MFF: variants seen among roughly 807,000 people sequenced by gnomAD.
MFF encodes mitochondrial fission factor, also known as chromosome 2 open reading frame 33.
Under a neutral mutation model 36.9 loss-of-function variants are expected in MFF, and 12 were observed. The ratio of observed to expected loss-of-function variants is 0.33; its 90% CI spans 0.21 to 0.53. The LOEUF is 0.53. Ranked by LOEUF, MFF falls within the 20% of genes least tolerant of loss-of-function variation. The pLI, the probability that MFF is intolerant of heterozygous loss-of-function variation, is 0.95. For missense variants in MFF, 348 were observed against 366.6 expected (o/e 0.95, Z 0.42); for synonymous variants, 99 against 126.2 (o/e 0.78, Z 1.44).
At chr2:227,352,623 G>C in intron 7 of MFF, 50 bp downstream of exon 7, 1 of 1,417,544 alleles carries the variant, frequency 7.1e-7, no homozygotes, top group African/African-American at 1.7e-5. Flanking sequence ...GGCGGAATTT[G>C]TGTGTTGCAG....
rs1381114795 is a variant in MFF at position 227,325,308 on chromosome 2, GC to G, written c.-270del. The G allele has an allele frequency of 6.4e-6, 1 of 156,800 alleles. No individual in the cohort carries two copies. Among genetic ancestry groups the G allele is most frequent in the African/African-American group, 2.4e-5 (1 of 41,770 alleles). The allele number at this position is 156,800 out of a possible 1,614,324, so 9.7% of individuals were successfully genotyped here. A position where few individuals can be genotyped will look rare whatever the true frequency, so the allele number is the denominator to read the frequency against. ...GCCCTGGCCCTCTGCGGGCCGCTCC[GC>G]CGGTGCTGTCCCTGGGCGCCTCCGT... On this transcript the variant is annotated 5_prime_UTR_variant, in exon 1 of 9. Transcript: ENST00000304593.
At chr2:227,356,844 A>G (rs1189322595) in intron 8 of MFF, 142 bp from the exon 9 acceptor site, 4 of 669,044 alleles carry the variant, frequency 6.0e-6, no homozygotes, top group Non-Finnish European at 1.0e-5. Context: ...AGTTGTGTTT[A>G]TTTTGCTCCA....
Position 227,357,636 on chromosome 2 carries a change from T to C in MFF, c.*519T>C, listed in dbSNP as rs577356826. The C allele has an allele frequency of 2.6e-5, 4 of 154,130 alleles. No individual in the cohort carries two copies. Among genetic ancestry groups the C allele is most frequent in the African/African-American group, 7.2e-5 (3 of 41,616 alleles). 9.5% of individuals were successfully genotyped at this position (154,130 alleles called of 1,614,324 possible). A position where few individuals can be genotyped will look rare whatever the true frequency, so the allele number is the denominator to read the frequency against. On this transcript the variant is annotated 3_prime_UTR_variant, in exon 9 of 9. Coordinates refer to ENST00000304593, the MANE Select transcript of MFF (RefSeq NM_001277062.2). ...CGAACCACCTAATATTTCATAACCT[T>C]CTTCATTAGGTACTTGTACAGATTA...
At chr2:227,335,171 CA>C (rs386392817) in intron 4 of MFF, among the ~76,000 whole-genome samples, 30 of 128,616 alleles carry the variant, frequency 2.3e-4, no homozygotes, top group African/African-American at 6.0e-4. Flanking sequence ...CTCTGTCTCT[CA>C]AAAAAAAAAA....
chr2:227,335,500 T>C (rs2074930523), intron 4 of MFF, among the ~76,000 whole-genome samples: 1 of 152,204 alleles, frequency 6.6e-6, no homozygotes, highest in Non-Finnish European at 1.5e-5. Flanking sequence ...ATGGTTAAAA[T>C]TGTGTATGTT....
intron 5 of MFF, among the ~76,000 whole-genome samples, chr2:227,342,547 C>A (rs1339181036): frequency 6.6e-6 from 1 of 152,054 alleles, no homozygotes; most frequent in Non-Finnish European, 1.5e-5. Context: ...TATTTTATTC[C>A]ATGGCTTTAA....
Position 227,332,555 on chromosome 2 carries a change from A to G in MFF, c.318A>G (p.Leu106=). The G allele has an allele frequency of 6.2e-7, 1 of 1,613,226 alleles. No homozygotes were observed. Among genetic ancestry groups the G allele is most frequent in the Non-Finnish European group, 8.5e-7 (1 of 1,179,456 alleles). The change falls in exon 4 of 9, where the codon TTA becomes TTG. Residue 106 remains leucine, a synonymous_variant. Transcript: ENST00000304593. ...AAAGACCACTAGATTTTCTGGATTT[A>G]GAAAGACCTCCTACAACCCCTCAAA... The part of the protein sequence containing the change: ...LSERPLDFLD[L]ERPPTTPQNE...
chr2:227,339,625 A>G (rs1450435428), intron 4 of MFF, among the ~76,000 whole-genome samples: 13 of 152,196 alleles, frequency 8.5e-5, no homozygotes, highest in African/African-American at 2.4e-4. Context: ...GGGGAAAGAA[A>G]GGCAGAAGCT....
At chr2:227,345,730 G>A (rs953156010) in intron 5 of MFF, among the ~76,000 whole-genome samples, 3 of 152,102 alleles carry the variant, frequency 2.0e-5, no homozygotes, top group Non-Finnish European at 4.4e-5. Flanking sequence ...TGGAATGCCT[G>A]GTATGGGTTT....
intron 5 of MFF, 63 bp downstream of exon 5, chr2:227,340,443 A>G (rs757950902): frequency 9.1e-5 from 113 of 1,237,436 alleles, no homozygotes; most frequent in Non-Finnish European, 1.3e-4. Flanking sequence ...TTCTGTACCC[A>G]TGTTTTTCTA....
chr2:227,357,046 A>G lies in MFF; in HGVS notation c.805A>G (p.Arg269Gly), dbSNP rs1327260927. 5.0e-6 allele frequency: 8 copies of G among 1,613,044 alleles called. No homozygotes were observed. Among genetic ancestry groups the G allele is most frequent in the Non-Finnish European group, 6.8e-6 (8 of 1,179,936 alleles). The change falls in exon 9 of 9, where the codon AGA becomes GGA. Residue 269 changes from arginine (R) to glycine (G), a missense_variant. Physicochemically the swap from Arg to Gly is moderately radical, Grantham distance 125. Coordinates refer to ENST00000304593, the MANE Select transcript of MFF (RefSeq NM_001277062.2). ...AGAGGAGAACAAAGAACGTGCTAAA[A>G]GAGAAATGGTCATGTATTCAATTAC... ...LEEENKERAK[R>G]EMVMYSITVA...
In MFF at chr2:227,328,759, C is replaced by G. The variant is rs1222110535; in HGVS notation, c.-71C>G. 2 of 195,624 alleles carry G rather than the reference C, an allele frequency of 1.0e-5. No individual in the cohort carries two copies. The highest frequency in any genetic ancestry group is 4.4e-5 in the African/African-American group (2 of 45,262). The allele number at this position is 195,624 out of a possible 1,614,324, so 12.1% of individuals were successfully genotyped here. On this transcript the variant is annotated 5_prime_UTR_variant, in exon 2 of 9. Transcript: ENST00000304593. ...ATATGAAGCACAGAAGCAGATAGTG[C>G]CAAATAGCAAGCAGTAGTTGTTACA... is the stretch of plus-strand genomic sequence containing the variant.
At chr2:227,335,389 G>A (rs1423304852) in intron 4 of MFF, among the ~76,000 whole-genome samples, 5 of 152,102 alleles carry the variant, frequency 3.3e-5, no homozygotes, top group Non-Finnish European at 7.4e-5. Context: ...ATCAGTATGG[G>A]GTTTCCTTTT....
At chr2:227,332,678 A>G (rs537902383) in intron 4 of MFF, 90 bp downstream of exon 4, 5 of 935,910 alleles carry the variant, frequency 5.3e-6, no homozygotes, top group Admixed American at 2.7e-5. Flanking sequence ...ATCTTTAGCA[A>G]TATGTCATGA....
chr2:227,343,545 A>G (rs1158925736), intron 5 of MFF, among the ~76,000 whole-genome samples: 8 of 152,208 alleles, frequency 5.3e-5, no homozygotes, highest in Admixed American at 4.6e-4. Flanking sequence ...TGTATTTACA[A>G]TTCCAAGAGA....
At position 227,328,727 on chromosome 2, in the gene MFF, G is replaced by A. The variant is rs2074356585; in HGVS notation, c.-103G>A. 1 of 177,784 alleles carries A rather than the reference G, an allele frequency of 5.6e-6. No individual in the cohort carries two copies. Among genetic ancestry groups the A allele is most frequent in the Non-Finnish European group, 1.2e-5 (1 of 80,528 alleles). The allele number at this position is 177,784 out of a possible 1,614,324, so 11.0% of individuals were successfully genotyped here. A position where few individuals can be genotyped will look rare whatever the true frequency, so the allele number is the denominator to read the frequency against. ...CACATGCACATTGAAGCAAGTTAAA[G>A]GATTTAATATGAAGCACAGAAGCAG... is the stretch of plus-strand genomic sequence containing the variant. On this transcript the variant is annotated 5_prime_UTR_variant, in exon 2 of 9. Transcript: ENST00000304593.
chr2:227,347,347 T>C lies in MFF; in HGVS notation c.562T>C (p.Tyr188His). The change falls in exon 6 of 9, where the codon TAC becomes CAC. Residue 188 changes from tyrosine to histidine, a missense_variant. Transcript: ENST00000304593. ...SLIQSSTRRA[Y>H]QQILDVLDEN... ...TATCCAGTCTTCTACTCGTAGGGCA[T>C]ACCAGCAGATCTTGGATGTGCTGGA... The C allele has an allele frequency of 6.2e-7, 1 of 1,613,832 alleles. No individual in the cohort carries two copies. Among genetic ancestry groups the C allele is most frequent in the South Asian group, 1.1e-5 (1 of 91,082 alleles).
intron 5 of MFF, chr2:227,346,716 C>T (rs1283194724): frequency 2.0e-5 from 3 of 152,198 alleles, no homozygotes; most frequent in Non-Finnish European, 4.4e-5. Flanking sequence ...GTCATTTATT[C>T]GTCATAAACT....
intron 5 of MFF, among the ~76,000 whole-genome samples, chr2:227,341,222 A>G (rs763846341): frequency 6.6e-6 from 1 of 152,036 alleles, no homozygotes; most frequent in Non-Finnish European, 1.5e-5. Context: ...GGACCTCTCT[A>G]AAGAGTATAG....
Sources: allele counts gnomAD v4.1 joint callset (sites outside exome capture counted in the v4.1 genomes callset), GRCh38; gene constraint gnomAD v4.1.1; transcripts MANE v1.5; gene names NCBI Gene and HGNC (gene_info 2026-07-23, HGNC 2026-07-21).